TOM1L1: variants seen among roughly 807,000 people sequenced by gnomAD.
TOM1L1 encodes the protein target of myb1 like 1 membrane trafficking protein.
TOM1L1 carries 64 observed loss-of-function variants against 63.4 expected under a neutral mutation model. The ratio of observed to expected loss-of-function variants is 1.01; its 90% confidence interval spans 0.83 to 1.24. The LOEUF is 1.24. TOM1L1 is among the 50% of genes most tolerant of loss of function. The pLI is 0.00. For synonymous variants in TOM1L1, 166 were observed against 194.4 expected, an observed-to-expected ratio of 0.85 and a Z score of 1.22; for missense variants, 536 against 567.0, an observed-to-expected ratio of 0.95 and a Z score of 0.55.
Position 54,913,877 on chromosome 17 carries a change from G to A in TOM1L1, c.498+4G>A, listed in dbSNP as rs543138509. On this transcript the variant is annotated splice_donor_region_variant and intron_variant, in intron 5 of 15. Coordinates refer to ENST00000575882, the MANE Select transcript of TOM1L1 (RefSeq NM_005486.3). ...GGCTGAAACAGCAAGACAAGAGGTA[G>A]GAGGCCTTTCTTTGACCCATGGAGA... 2.5e-6 allele frequency: 4 copies of A among 1,604,606 alleles called. No homozygotes were observed. In the South Asian group the frequency reaches 4.4e-5, roughly 18 times the overall value.
intron 1 of TOM1L1, 103 bp downstream of exon 1, chr17:54,901,026 G>GA: frequency 6.7e-7 from 1 of 1,499,294 alleles, no homozygotes; most frequent in Non-Finnish European, 9.1e-7. Context: ...AGTCCAACTT[G>GA]AAAAAATTAT....
chr17:54,921,594 C>T (rs1455718099), intron 7 of TOM1L1, among the ~76,000 whole-genome samples: 7 of 151,936 alleles, frequency 4.6e-5, no homozygotes, highest in African/African-American at 1.2e-4. Flanking sequence ...CAAAATTAAC[C>T]GGACATGGTG....
intron 1 of TOM1L1, among the ~76,000 whole-genome samples, chr17:54,902,588 G>T (rs919358499): frequency 6.6e-6 from 1 of 152,192 alleles, no homozygotes; most frequent in African/African-American, 2.4e-5. Flanking sequence ...ACCGGGCCCC[G>T]CCTCAAGTGG....
intron 8 of TOM1L1, among the ~76,000 whole-genome samples, chr17:54,932,234 T>G (rs2048875294): frequency 6.6e-6 from 1 of 151,652 alleles, no homozygotes; most frequent in Admixed American, 6.6e-5. Context: ...TCTAAGGGGG[T>G]GCGTGTGAGA....
intron 2 of TOM1L1, 74 bp from the exon 3 acceptor site, chr17:54,905,415 A>G (rs771760059): frequency 2.0e-6 from 2 of 987,842 alleles, no homozygotes; most frequent in South Asian, 1.4e-5. Flanking sequence ...CTCCAAATGC[A>G]TGTTGCTTTT....
chr17:54,925,174 T>C (rs1185120685), intron 7 of TOM1L1, among the ~76,000 whole-genome samples: 1 of 152,256 alleles, frequency 6.6e-6, no homozygotes, highest in Non-Finnish European at 1.5e-5. Flanking sequence ...TCAGGGAAAC[T>C]ACAAGGGCTT....
At chr17:54,948,486 C>T (rs1254233145) in intron 12 of TOM1L1, among the ~76,000 whole-genome samples, 1 of 152,200 alleles carries the variant, frequency 6.6e-6, no homozygotes, top group Admixed American at 6.5e-5. Context: ...AGACTGTGAA[C>T]TTGTGTCCTC....
chr17:54,918,227 C>G (rs2048624151), intron 7 of TOM1L1, among the ~76,000 whole-genome samples: 1 of 152,192 alleles, frequency 6.6e-6, no homozygotes, highest in African/African-American at 2.4e-5. Context: ...CTGGGCCTTG[C>G]TCTCTTTTAT....
chr17:54,958,748 A>AAAAAAAAAAAAAAAAAAAG (rs372776781), intron 14 of TOM1L1, among the ~76,000 whole-genome samples: 2 of 118,956 alleles, frequency 1.7e-5, no homozygotes, highest in South Asian at 2.6e-4. Flanking sequence ...AAAAAAAAAA[A>AAAAAAAAAAAAAAAAAAAG]GGGGTTGTTG....
chr17:54,905,540 T>A lies in TOM1L1; in HGVS notation c.195T>A (p.Asn65Lys). 1 of 1,610,946 alleles carries A rather than the reference T, an allele frequency of 6.2e-7. No individual in the cohort carries two copies. Among genetic ancestry groups the A allele is most frequent in the South Asian group, 1.1e-5 (1 of 90,626 alleles). The change falls in exon 3 of 16, where the codon AAT (asparagine) becomes AAA (lysine). Residue 65 changes from asparagine (N) to lysine (K), a missense_variant. By Grantham distance (94) the Asn-to-Lys change is moderately conservative. Transcript: ENST00000575882. ...ALKKRISKNY[N>K]HKEIQLTLSL... ...AGAAAAGGATTTCCAAAAACTACAATCATAAAGAAATCCAACTTACCTTGT... is the reference window on the plus strand; with the variant it reads ...AGAAAAGGATTTCCAAAAACTACAAACATAAAGAAATCCAACTTACCTTGT...
At chr17:54,927,967 C>G (rs149585541) in intron 7 of TOM1L1, among the ~76,000 whole-genome samples, 236 of 152,250 alleles carry the variant, frequency 1.6e-3, no homozygotes, top group African/African-American at 5.3e-3. Flanking sequence ...AAATTCATTT[C>G]AAATTAATTT....
At chr17:54,929,628 G>C (rs1456640963) in intron 7 of TOM1L1, among the ~76,000 whole-genome samples, 1 of 152,022 alleles carries the variant, frequency 6.6e-6, no homozygotes, top group African/African-American at 2.4e-5. Context: ...TATAGTTATA[G>C]AGTTCCTCAT....
At chr17:54,947,339 G>T in intron 12 of TOM1L1, 27 bp downstream of exon 12, 1 of 1,609,296 alleles carries the variant, frequency 6.2e-7, no homozygotes, top group Non-Finnish European at 8.5e-7. Flanking sequence ...TTTTCTAGCA[G>T]TGCATCTAGT....
chr17:54,940,503 C>G (rs1228607080), intron 11 of TOM1L1, among the ~76,000 whole-genome samples: 2 of 152,138 alleles, frequency 1.3e-5, no homozygotes, highest in African/African-American at 4.8e-5. Flanking sequence ...CACTTACACA[C>G]AGTTAGGTGT....
At chr17:54,921,248 A>T (rs1017198240) in intron 7 of TOM1L1, among the ~76,000 whole-genome samples, 1 of 152,190 alleles carries the variant, frequency 6.6e-6, no homozygotes, top group Non-Finnish European at 1.5e-5. Context: ...AAGTGTAGGC[A>T]CAAATGTTAA....
Position 54,960,973 on chromosome 17 carries a change from T to C in TOM1L1, c.*2-262T>C, listed in dbSNP as rs904163976. On this transcript the variant is annotated intron_variant, in intron 15 of 15. Coordinates refer to ENST00000575882, the MANE Select transcript of TOM1L1 (RefSeq NM_005486.3). Reference sequence around the variant, plus strand: ...GTTAACCGGTACCAGTAGACCCATTTACCGTTAGTCCTCCAAATAGGTCTG... The same window carrying C: ...GTTAACCGGTACCAGTAGACCCATTCACCGTTAGTCCTCCAAATAGGTCTG... 7.3e-6 allele frequency: 4 copies of C among 547,990 alleles called. No individual in the cohort carries two copies. The Admixed American group carries it at 1.3e-4, about 18-fold the overall frequency. The allele number at this position is 547,990 out of a possible 1,614,324, so 33.9% of individuals were successfully genotyped here. A position where few individuals can be genotyped will look rare whatever the true frequency, so the allele number is the denominator to read the frequency against.
At chr17:54,942,169 C>T (rs1414115683) in intron 11 of TOM1L1, 1 of 151,994 alleles carries the variant, frequency 6.6e-6, no homozygotes, top group Non-Finnish European at 1.5e-5. Flanking sequence ...CGATTTTGGC[C>T]AACTGCAACC....
intron 3 of TOM1L1, 96 bp from the exon 4 acceptor site, chr17:54,912,570 T>A (rs1318612430): frequency 9.8e-7 from 1 of 1,016,824 alleles, no homozygotes; most frequent in Non-Finnish European, 1.4e-6. Flanking sequence ...TTAATTAGGA[T>A]GCTGATGGAA....
chr17:54,927,734 C>T (rs1351257417), intron 7 of TOM1L1, among the ~76,000 whole-genome samples: 1 of 152,204 alleles, frequency 6.6e-6, no homozygotes, highest in African/African-American at 2.4e-5. Context: ...TCCCTTTTGT[C>T]CATGGTGCTT....
Sources: gnomAD v4.1 joint callset for allele counts (sites outside exome capture counted in the v4.1 genomes callset) on GRCh38, gnomAD v4.1.1 for gene constraint, MANE v1.5 for transcripts, NCBI Gene and HGNC (gene_info 2026-07-23, HGNC 2026-07-21) for gene names.